Variants in ZNF346 observed in about 807,000 individuals in gnomAD.
ZNF346 encodes zinc finger protein 346.
A neutral mutation model predicts 33.7 loss-of-function variants in ZNF346; 23 were observed. That is an observed-to-expected ratio of 0.68 (90% confidence interval 0.49 to 0.97). ZNF346 has a LOEUF of 0.97. Among genes scored for constraint, ZNF346 ranks in the 50% least tolerant of loss-of-function variants. The pLI is 0.00. For missense variants in ZNF346, 340 were observed against 371.1 expected (o/e 0.92, Z 0.69); for synonymous variants, 134 against 142.4 (o/e 0.94, Z 0.42).
chr5:177,053,272 C>T (rs938069510), intron 5 of ZNF346, among the ~76,000 whole-genome samples: 8 of 147,266 alleles, frequency 5.4e-5, no homozygotes, highest in African/African-American at 1.3e-4. Flanking sequence ...TCCAAGATCG[C>T]GCCACTGCAC....
intron 4 of ZNF346, among the ~76,000 whole-genome samples, chr5:177,047,391 G>A (rs988654979): frequency 9.3e-5 from 14 of 150,684 alleles, no homozygotes; most frequent in Non-Finnish European, 5.9e-5. Context: ...AAGCTGGAGT[G>A]AAATGGCGCA....
intron 1 of ZNF346, among the ~76,000 whole-genome samples, chr5:177,026,390 C>A (rs1250950862): frequency 3.2e-4 from 47 of 145,734 alleles, no homozygotes; most frequent in Non-Finnish European, 5.5e-4. Flanking sequence ...GACAGAATCC[C>A]ACTCTATCGC....
chr5:177,049,188 C>T (rs546528180), intron 4 of ZNF346, among the ~76,000 whole-genome samples: 1 of 152,218 alleles, frequency 6.6e-6, no homozygotes, highest in African/African-American at 2.4e-5. Flanking sequence ...CTTGCTGAAA[C>T]AAAATCAACA....
intron 1 of ZNF346, among the ~76,000 whole-genome samples, chr5:177,038,049 T>TA (rs1426941095): frequency 6.6e-6 from 1 of 151,966 alleles, no homozygotes; most frequent in African/African-American, 2.4e-5. Flanking sequence ...TCTTTTCCTG[T>TA]AAGCCTTGTG....
chr5:177,023,009 T>A, intron 1 of ZNF346, 96 bp downstream of exon 1: 1 of 1,443,660 alleles, frequency 6.9e-7, no homozygotes, highest in South Asian at 1.4e-5. Flanking sequence ...CTGGCCCGCC[T>A]CCTTGCGTGC....
rs924734099 is a variant in ZNF346, at chr5:177,067,697, A to G, written c.*3098A>G. Among the ~76,000 whole-genome samples the G allele has an allele frequency of 2.0e-5, 3 of 152,228 alleles. No individual in the cohort carries two copies. Among genetic ancestry groups the G allele is most frequent in the African/African-American group, 7.2e-5 (3 of 41,468 alleles). ...AGTCAAAGATCATGATGACAATGAT[A>G]AGAATGCCCAGGATGCAGGAGCTGA... On this transcript the variant is annotated 3_prime_UTR_variant, in exon 7 of 7. Transcript: ENST00000358149.
intron 4 of ZNF346, among the ~76,000 whole-genome samples, chr5:177,049,189 A>G (rs1263968737): frequency 6.6e-6 from 1 of 152,232 alleles, no homozygotes; most frequent in Non-Finnish European, 1.5e-5. Context: ...TTGCTGAAAC[A>G]AAATCAACAA....
chr5:177,062,933 C>T (rs977040540), intron 6 of ZNF346, among the ~76,000 whole-genome samples: 16 of 152,168 alleles, frequency 1.1e-4, no homozygotes, highest in African/African-American at 2.7e-4. Context: ...CTTCCCAAGG[C>T]GTCAGGCTCA....
rs567509010 is a variant in ZNF346, at chr5:177,038,876, T to G, written c.176-2250T>G. On this transcript the variant is annotated intron_variant, in intron 1 of 6. Coordinates refer to ENST00000358149, the MANE Select transcript of ZNF346 (RefSeq NM_012279.4). The stretch of plus-strand genomic sequence containing the variant: ...TTTTTCTTCTTTTTTCTTCTTCTTC[T>G]TGTGTGTGTGTGTGTGTGTGTGTGT... 2.4e-3 allele frequency among the ~76,000 whole-genome samples: 330 copies of G among 135,450 alleles called. 1 individual carries two copies. The highest frequency in any genetic ancestry group is 8.7e-3 in the African/African-American group (310 of 35,596). 88.9% of individuals were successfully genotyped at this position (135,450 alleles called of 152,430 possible). A position where few individuals can be genotyped will look rare whatever the true frequency, so the allele number is the denominator to read the frequency against.
intron 5 of ZNF346, among the ~76,000 whole-genome samples, chr5:177,053,295 A>G (rs1057091391): frequency 2.0e-5 from 3 of 148,700 alleles, no homozygotes; most frequent in Non-Finnish European, 4.5e-5. Flanking sequence ...CAGCCTGGCA[A>G]AAGAGCAGCA....
chr5:177,023,526 T>C (rs1334476849), intron 1 of ZNF346, among the ~76,000 whole-genome samples: 4 of 152,220 alleles, frequency 2.6e-5, no homozygotes, highest in Non-Finnish European at 5.9e-5. Context: ...TGTCCTACAC[T>C]TGACCCAAAG....
chr5:177,035,518 T>G (rs1258799540), intron 1 of ZNF346, among the ~76,000 whole-genome samples: 1 of 151,834 alleles, frequency 6.6e-6, no homozygotes. Context: ...TGGAGTGCAA[T>G]GGCGCAATCT....
At chr5:177,045,665 T>A (rs1309500773) in intron 4 of ZNF346, among the ~76,000 whole-genome samples, 2 of 152,064 alleles carry the variant, frequency 1.3e-5, no homozygotes, top group African/African-American at 4.8e-5. Flanking sequence ...AAAACCTTTT[T>A]TTTTAAATAG....
intron 3 of ZNF346, 85 bp downstream of exon 3, chr5:177,041,955 GGC>G: frequency 2.4e-6 from 2 of 822,012 alleles, no homozygotes; most frequent in Non-Finnish European, 4.0e-6. Flanking sequence ...AGACTGTCTT[GGC>G]TTCAAATCCT....
At chr5:177,076,723 A>G (rs1244562052) in intron 8 of ZNF346, among the ~76,000 whole-genome samples, 6 of 152,154 alleles carry the variant, frequency 3.9e-5, no homozygotes, top group African/African-American at 1.4e-4. Context: ...GGTCCTGAAT[A>G]AAGTTTTCTT....
downstream of ZNF346, among the ~76,000 whole-genome samples, chr5:177,068,597 A>G (rs1562046596): frequency 7.0e-6 from 1 of 143,762 alleles, no homozygotes; most frequent in Non-Finnish European, 1.5e-5. Context: ...GATTGCCTCA[A>G]CTGGTTTAGT....
intron 5 of ZNF346, among the ~76,000 whole-genome samples, chr5:177,057,928 TCTC>T (rs1269194697): frequency 1.3e-5 from 2 of 150,698 alleles, no homozygotes; most frequent in African/African-American, 4.9e-5. Context: ...TTCAAGCAAT[TCTC>T]CTGCCTCAGC....
At chr5:177,038,988 T>G (rs1315637558) in intron 1 of ZNF346, among the ~76,000 whole-genome samples, 1 of 151,108 alleles carries the variant, frequency 6.6e-6, no homozygotes, top group Admixed American at 6.6e-5. Flanking sequence ...GCCTCCCAGG[T>G]TCAAGTGATT....
In ZNF346 at chr5:177,066,308, A is replaced by C. The variant is rs1456856142; in HGVS notation, c.*1709A>C. 6.6e-6 allele frequency among the ~76,000 whole-genome samples: 1 copy of C among 151,852 alleles called. No individual in the cohort carries two copies. Among genetic ancestry groups the C allele is most frequent in the Non-Finnish European group, 1.5e-5 (1 of 67,980 alleles). ...GGAGTGCAGGGAGGGGCAGGAAAGG[A>C]GACAAGGAGGCCAGTATGGACACTG... On this transcript the variant is annotated 3_prime_UTR_variant, in exon 7 of 7. Transcript: ENST00000358149.
Sources: allele counts gnomAD v4.1 joint callset (sites outside exome capture counted in the v4.1 genomes callset), GRCh38; gene constraint gnomAD v4.1.1; transcripts MANE v1.5; gene names NCBI Gene and HGNC (gene_info 2026-07-23, HGNC 2026-07-21).